LCORL: variants seen among roughly 807,000 people sequenced by gnomAD.
LCORL encodes the protein ligand dependent nuclear receptor corepressor like, also known as ligand-dependent nuclear receptor corepressor-like protein.
In LCORL, 41 loss-of-function variants were observed where a neutral mutation model predicts 141.8. That is an observed-to-expected ratio of 0.29 (90% CI 0.23 to 0.38). The LOEUF is 0.38. LCORL is among the 10% of genes least tolerant of loss of function. The probability of loss-of-function intolerance (pLI) is 1.00; values close to 1 mark genes in which losing one functional copy is unlikely to be tolerated. For synonymous variants in LCORL, 618 were observed against 694.1 expected (o/e 0.89, Z 1.72); for missense variants, 1,759 against 2,035.0 (o/e 0.86, Z 2.61).
At chr4:17,914,514 C>T (rs1733079948) in intron 4 of LCORL, among the ~76,000 whole-genome samples, 1 of 152,144 alleles carries the variant, frequency 6.6e-6, no homozygotes, top group African/African-American at 2.4e-5. Flanking sequence ...TGGAATAAGT[C>T]CATGTTTGAG....
intron 4 of LCORL, among the ~76,000 whole-genome samples, chr4:17,953,675 T>C (rs73098866): frequency 0.022 from 3,384 of 152,298 alleles, 133 homozygotes; most frequent in African/African-American, 0.077. Context: ...TTTTAAAGCA[T>C]TGCTTTTGAT....
intron 1 of LCORL, among the ~76,000 whole-genome samples, chr4:18,019,652 CTA>C (rs1441212354): frequency 1.3e-5 from 2 of 151,828 alleles, no homozygotes; most frequent in Non-Finnish European, 2.9e-5. Context: ...TGATGCAAAG[CTA>C]TACTTAATGT....
At chr4:17,863,974 C>G (rs1725314288) in intron 7 of LCORL, among the ~76,000 whole-genome samples, 1 of 151,968 alleles carries the variant, frequency 6.6e-6, no homozygotes. Flanking sequence ...AAGAAGAGAA[C>G]AACAGAAAGC....
At chr4:17,848,887 C>A (rs561796521) in intron 7 of LCORL, among the ~76,000 whole-genome samples, 48 of 152,252 alleles carry the variant, frequency 3.2e-4, no homozygotes, top group African/African-American at 1.0e-3. Context: ...TATCCCACAC[C>A]TGGCTCGGAG....
chr4:18,012,187 CAGT>C (rs1189105961), intron 1 of LCORL, among the ~76,000 whole-genome samples: 3 of 152,218 alleles, frequency 2.0e-5, no homozygotes, highest in African/African-American at 7.2e-5. Context: ...AACATCCTTA[CAGT>C]TGGTCCCTAG....
At chr4:17,928,694 T>C (rs1200626678) in intron 4 of LCORL, among the ~76,000 whole-genome samples, 1 of 152,172 alleles carries the variant, frequency 6.6e-6, no homozygotes, top group Admixed American at 6.5e-5. Context: ...AACAAGGATA[T>C]ATGCTCTTAT....
chr4:17,978,359 G>C (rs1717371460), intron 1 of LCORL, among the ~76,000 whole-genome samples: 1 of 152,052 alleles, frequency 6.6e-6, no homozygotes, highest in Admixed American at 6.6e-5. Context: ...AACTTGAGAG[G>C]GTGAGGTTAA....
chr4:17,882,136 A>G, intron 6 of LCORL: 4 of 984,000 alleles, frequency 4.1e-6, no homozygotes, highest in Non-Finnish European at 4.8e-6. Flanking sequence ...AAAATTTAAT[A>G]GCTGAAAATC....
At chr4:17,951,112 G>A (rs1739656840) in intron 4 of LCORL, among the ~76,000 whole-genome samples, 1 of 152,116 alleles carries the variant, frequency 6.6e-6, no homozygotes, top group Non-Finnish European at 1.5e-5. Context: ...AGCAATGGGC[G>A]CTAAAGCTCC....
chr4:17,946,627 A>T (rs1182596296), intron 4 of LCORL, among the ~76,000 whole-genome samples: 1 of 151,994 alleles, frequency 6.6e-6, no homozygotes. Flanking sequence ...TCTTAAGAAG[A>T]TAATGACAAA....
chr4:17,942,228 TAAA>T (rs1316081210), intron 4 of LCORL, among the ~76,000 whole-genome samples: 2 of 151,990 alleles, frequency 1.3e-5, no homozygotes, highest in Non-Finnish European at 2.9e-5. Context: ...CAAATAAGGG[TAAA>T]AAGTCAATTC....
At chr4:17,983,390 TC>T (rs1470196972) in intron 1 of LCORL, among the ~76,000 whole-genome samples, 5 of 152,348 alleles carry the variant, frequency 3.3e-5, no homozygotes, top group African/African-American at 1.2e-4. Context: ...ATTCTTCCTA[TC>T]CATGAGCAAA....
intron 1 of LCORL, among the ~76,000 whole-genome samples, chr4:18,019,654 ATACT>A (rs1352504309): frequency 1.3e-5 from 2 of 151,944 alleles, no homozygotes; most frequent in African/African-American, 4.8e-5. Context: ...ATGCAAAGCT[ATACT>A]TAATGTATCT....
At chr4:17,882,972 T>C (rs1727774952) in intron 6 of LCORL, 1 of 921,726 alleles carries the variant, frequency 1.1e-6, no homozygotes, top group South Asian at 5.0e-5. Flanking sequence ...TTTTTGTTCT[T>C]AGTACTCCAT....
chr4:17,862,337 T>C (rs1359250392), intron 7 of LCORL, among the ~76,000 whole-genome samples: 1 of 152,056 alleles, frequency 6.6e-6, no homozygotes, highest in Non-Finnish European at 1.5e-5. Context: ...ATAATAACCA[T>C]CAGATTTTGT....
At chr4:17,936,565 T>C (rs958665621) in intron 4 of LCORL, among the ~76,000 whole-genome samples, 10 of 152,156 alleles carry the variant, frequency 6.6e-5, no homozygotes, top group African/African-American at 2.2e-4. Flanking sequence ...TGAGTTCACA[T>C]AGTTTGAAGA....
chr4:17,945,089 T>C (rs1413914136), intron 4 of LCORL, among the ~76,000 whole-genome samples: 1 of 152,148 alleles, frequency 6.6e-6, no homozygotes, highest in Admixed American at 6.6e-5. Context: ...AGATTCCTTA[T>C]ATCTTAGCAA....
intron 1 of LCORL, among the ~76,000 whole-genome samples, chr4:18,014,985 C>A (rs1208282429): frequency 1.3e-4 from 20 of 151,952 alleles, no homozygotes; most frequent in Admixed American, 1.3e-3. Context: ...GTTATATATA[C>A]CAAAAGGAAG....
At chr4:17,925,453 T>C (rs1734965410) in intron 4 of LCORL, among the ~76,000 whole-genome samples, 1 of 151,960 alleles carries the variant, frequency 6.6e-6, no homozygotes, top group Admixed American at 6.6e-5. Context: ...CCCACTGAGG[T>C]GCCTGCTGAA....
Sources: gnomAD v4.1 joint callset for allele counts (sites outside exome capture counted in the v4.1 genomes callset) on GRCh38, gnomAD v4.1.1 for gene constraint, MANE v1.5 for transcripts, NCBI Gene and HGNC (gene_info 2026-07-23, HGNC 2026-07-21) for gene names.